Variants in FAT1 observed in about 807,000 individuals in gnomAD.
FAT1 encodes FAT atypical cadherin 1, also known as protocadherin Fat 1.
Under a neutral mutation model 329.8 loss-of-function variants are expected in FAT1, and 171 were observed. The observed-to-expected ratio is 0.52, with a 90% CI of 0.46 to 0.59. The LOEUF (loss-of-function observed/expected upper bound fraction) is 0.59, where lower values mean the gene tolerates loss of function less well. Among genes scored for constraint, FAT1 ranks in the 20% least tolerant of loss-of-function variants. The pLI, the probability that FAT1 is intolerant of heterozygous loss-of-function variation, is 0.00. For synonymous variants in FAT1, 2,233 were observed against 2,228.6 expected, an observed-to-expected ratio of 1.00 and a Z score of -0.06; for missense variants, 5,672 against 5,774.4, an observed-to-expected ratio of 0.98 and a Z score of 0.57.
intron 3 of FAT1, among the ~76,000 whole-genome samples, chr4:186,656,839 T>C (rs916530180): frequency 6.6e-6 from 1 of 152,132 alleles, no homozygotes; most frequent in Non-Finnish European, 1.5e-5. Flanking sequence ...GATTCACTGT[T>C]TATTAAAGGA....
chr4:186,648,258 A>C (rs565053652), intron 3 of FAT1, among the ~76,000 whole-genome samples: 58 of 152,298 alleles, frequency 3.8e-4, no homozygotes, highest in Non-Finnish European at 7.6e-4. Flanking sequence ...TTTAATCTTT[A>C]ATGGGCATAT....
At position 186,588,794 on chromosome 4, in the gene FAT1, C is replaced by A. The variant is rs770883326; in HGVS notation, c.13565G>T (p.Gly4522Val). 1.2e-6 allele frequency: 2 copies of A among 1,613,864 alleles called. No homozygotes were observed. Among genetic ancestry groups the A allele is most frequent in the African/African-American group, 2.7e-5 (2 of 74,902 alleles). ...CREPHAPYPP[G>V]YQRHFEAPAV... is the part of the protein sequence containing the mutation. Reference sequence around the variant, plus strand: ...GGGCGCCTCGAAGTGTCTTTGATACCCTGGCGGGTAAGGGGCATGGGGTTC... The same window carrying A: ...GGGCGCCTCGAAGTGTCTTTGATACACTGGCGGGTAAGGGGCATGGGGTTC... The change falls in exon 27 of 27, where the codon GGG becomes GTG. Residue 4522 changes from glycine to valine, a missense_variant. Physicochemically the swap from Gly to Val is moderately radical, Grantham distance 109. Coordinates refer to ENST00000441802, the MANE Select transcript of FAT1 (RefSeq NM_005245.4).
intron 2 of FAT1, among the ~76,000 whole-genome samples, chr4:186,676,110 A>G (rs1742946874): frequency 6.6e-6 from 1 of 152,218 alleles, no homozygotes; most frequent in South Asian, 2.1e-4. Context: ...GAAGGGAAAC[A>G]GCATTTTAAC....
chr4:186,719,050 A>G (rs1388220192), intron 1 of FAT1, among the ~76,000 whole-genome samples: 1 of 152,126 alleles, frequency 6.6e-6, no homozygotes, highest in Non-Finnish European at 1.5e-5. Context: ...GAATGACAAC[A>G]TTCTCCTGAT....
At chr4:186,604,283 T>C in intron 18 of FAT1, 94 bp downstream of exon 18, 1 of 1,074,348 alleles carries the variant, frequency 9.3e-7, no homozygotes, top group Non-Finnish European at 1.3e-6. Context: ...TGTTTTTGTA[T>C]GAAATGTAAG....
chr4:186,712,934 C>T (rs1317774993), intron 1 of FAT1, among the ~76,000 whole-genome samples: 2 of 151,528 alleles, frequency 1.3e-5, no homozygotes, highest in Non-Finnish European at 2.9e-5. Context: ...GGTTGAGGGA[C>T]AGCGGTAAGG....
In FAT1 at chr4:186,708,578, G is replaced by A. The variant is rs2126697515; in HGVS notation, c.1250C>T (p.Thr417Ile). The change falls in exon 2 of 27, where the codon ACT becomes ATT. Residue 417 changes from threonine to isoleucine, a missense_variant. By Grantham distance (89) the Thr-to-Ile change is moderately conservative (BLOSUM62 -1). This residue lies in a region of FAT1 where 3,966 missense variants were observed against 3,915.2 expected (regional missense o/e 1.01). Coordinates refer to ENST00000441802, the MANE Select transcript of FAT1 (RefSeq NM_005245.4). ...GKAKFSLNYN[T>I]GLISILEPVK... ...TGGTTCTAAAATAGAAATGAGACCA[G>A]TGTTGTAATTTAAACTGAATTTAGC... 4 of 1,614,004 alleles carry A rather than the reference G, an allele frequency of 2.5e-6. No homozygotes were observed. Among genetic ancestry groups the A allele is most frequent in the Non-Finnish European group, 3.4e-6 (4 of 1,179,880 alleles).
rs1249206066 is a variant in FAT1, at chr4:186,707,319, C to A, written c.2509G>T (p.Val837Leu). Reference protein sequence around the residue: ...YFVEVSEDKEVHSEIIQVEAT... With the variant: ...YFVEVSEDKELHSEIIQVEAT... ...TCAACCTGGATGATTTCACTATGTACCTCCTTGTCTTCACTCACTTCCACA... is the reference window on the plus strand; with the variant it reads ...TCAACCTGGATGATTTCACTATGTAACTCCTTGTCTTCACTCACTTCCACA... The change falls in exon 2 of 27, where the codon GTA becomes TTA. Residue 837 changes from valine to leucine, a missense_variant. Around this residue, in one of 2 missense-constraint regions of FAT1, gnomAD observed 3,966 missense variants for 3,915.2 expected, o/e 1.01. Transcript: ENST00000441802. 1 of 1,613,944 alleles carries A rather than the reference C, an allele frequency of 6.2e-7. No homozygotes were observed. The highest frequency in any genetic ancestry group is 8.5e-7 in the Non-Finnish European group (1 of 1,179,880).
chr4:186,715,542 T>C (rs1233527802), intron 1 of FAT1, among the ~76,000 whole-genome samples: 1 of 152,196 alleles, frequency 6.6e-6, no homozygotes, highest in Non-Finnish European at 1.5e-5. Flanking sequence ...AAAACCACCC[T>C]GATCAAAACA....
At chr4:186,689,365 C>T (rs957156655) in intron 2 of FAT1, among the ~76,000 whole-genome samples, 1 of 152,158 alleles carries the variant, frequency 6.6e-6, no homozygotes, top group Non-Finnish European at 1.5e-5. Context: ...ATGATTTACT[C>T]GGAATTTTAC....
chr4:186,643,265 A>G (rs1458778122), intron 3 of FAT1, among the ~76,000 whole-genome samples: 1 of 152,194 alleles, frequency 6.6e-6, no homozygotes, highest in Non-Finnish European at 1.5e-5. Flanking sequence ...CGGTCTACTC[A>G]GGAGGCATAA....
At chr4:186,677,221 G>C (rs1743001920) in intron 2 of FAT1, among the ~76,000 whole-genome samples, 1 of 152,150 alleles carries the variant, frequency 6.6e-6, no homozygotes, top group Non-Finnish European at 1.5e-5. Flanking sequence ...TACCCAATTT[G>C]TTGCCAAAAC....
chr4:186,713,116 C>T (rs1745043021), intron 1 of FAT1, among the ~76,000 whole-genome samples: 2 of 151,902 alleles, frequency 1.3e-5, no homozygotes, highest in Non-Finnish European at 2.9e-5. Context: ...AGTACTGACA[C>T]ATCATCAACT....
intron 26 of FAT1, chr4:186,590,807 T>A (rs1738205286): frequency 2.6e-6 from 1 of 387,030 alleles, no homozygotes; most frequent in Non-Finnish European, 5.1e-6. Flanking sequence ...TACAGCTACA[T>A]AATGCACACA....
At position 186,587,987 on chromosome 4, in the gene FAT1, T is replaced by C; in HGVS notation, c.*605A>G. Reference sequence around the variant, plus strand: ...AATGAAAAATGTTTATAATTCTAAATACAGCAACCCATGTAAGACATGTTC... The same window carrying C: ...AATGAAAAATGTTTATAATTCTAAACACAGCAACCCATGTAAGACATGTTC... On this transcript the variant is annotated 3_prime_UTR_variant, in exon 27 of 27. Transcript: ENST00000441802. The C allele has an allele frequency of 4.6e-6, 1 of 216,826 alleles. No individual in the cohort carries two copies. Among genetic ancestry groups the C allele is most frequent in the Non-Finnish European group, 9.3e-6 (1 of 107,662 alleles). 13.4% of individuals were successfully genotyped at this position (216,826 alleles called of 1,614,324 possible). A position where few individuals can be genotyped will look rare whatever the true frequency, so the allele number is the denominator to read the frequency against.
chr4:186,642,148 C>G (rs921083923), intron 3 of FAT1, among the ~76,000 whole-genome samples: 1 of 152,196 alleles, frequency 6.6e-6, no homozygotes, highest in Admixed American at 6.5e-5. Flanking sequence ...CATCCCAATG[C>G]AATGAATGGT....
At chr4:186,653,125 T>C (rs921568168) in intron 3 of FAT1, among the ~76,000 whole-genome samples, 4 of 152,012 alleles carry the variant, frequency 2.6e-5, no homozygotes, top group African/African-American at 9.7e-5. Flanking sequence ...AATAAGAGAA[T>C]AAACAAAATG....
At chr4:186,671,227 T>C (rs1012884277) in intron 2 of FAT1, among the ~76,000 whole-genome samples, 60 of 152,124 alleles carry the variant, frequency 3.9e-4, no homozygotes, top group African/African-American at 1.4e-3. Flanking sequence ...GAGAGCCTAA[T>C]GTGTGTATAA....
chr4:186,604,946 C>G (rs11734017), intron 17 of FAT1, among the ~76,000 whole-genome samples: 1 of 151,428 alleles, frequency 6.6e-6, no homozygotes, highest in African/African-American at 2.4e-5. Context: ...AGGCCAGGCG[C>G]GGTGGCTCAC....
Sources: gnomAD v4.1 joint callset for allele counts (sites outside exome capture counted in the v4.1 genomes callset) on GRCh38, gnomAD v4.1.1 for gene constraint, gnomAD v4.1.1 regional missense constraint, MANE v1.5 for transcripts, NCBI Gene and HGNC (gene_info 2026-07-23, HGNC 2026-07-21) for gene names.